The following WDR49 variants were observed in gnomAD, a reference collection of about 807,000 sequenced individuals.
The protein encoded by WDR49 is cilia- and flagella-associated protein 337.
In WDR49, 107 loss-of-function variants were observed where a neutral mutation model predicts 119.5. That is an observed-to-expected ratio of 0.90 (90% CI 0.77 to 1.05). The LOEUF (loss-of-function observed/expected upper bound fraction) is 1.05, where lower values mean the gene tolerates loss of function less well. Among genes scored for constraint, WDR49 ranks in the 50% least tolerant of loss-of-function variants. The pLI, the probability that WDR49 is intolerant of heterozygous loss-of-function variation, is 0.00. For missense variants in WDR49, 1,240 were observed against 1,220.5 expected, an observed-to-expected ratio of 1.02 and a Z score of -0.24; for synonymous variants, 425 against 418.8, an observed-to-expected ratio of 1.01 and a Z score of -0.18.
At chr3:167,640,802 G>A (rs1717845897) in intron 2 of WDR49, among the ~76,000 whole-genome samples, 1 of 151,650 alleles carries the variant, frequency 6.6e-6, no homozygotes, top group African/African-American at 2.4e-5. Context: ...TGGTTGAAAT[G>A]GGAGGTGGAA....
In WDR49 at chr3:167,557,677, T is replaced by C. The variant is rs961208927; in HGVS notation, c.1674+2387A>G. ...CTGAGGCAGGAGAATGGTGTGAACCTGGGAGGCAGAGCTTGCAGTGAGCTG... is the reference window on the plus strand; with the variant it reads ...CTGAGGCAGGAGAATGGTGTGAACCCGGGAGGCAGAGCTTGCAGTGAGCTG... On this transcript the variant is annotated intron_variant, in intron 9 of 18. Transcript: ENST00000682715. Among the ~76,000 whole-genome samples, 4 of 147,412 alleles carry C rather than the reference T, an allele frequency of 2.7e-5. No homozygotes were observed. The South Asian group carries it at 8.6e-4, about 32-fold the overall frequency.
intron 2 of WDR49, among the ~76,000 whole-genome samples, chr3:167,649,209 GT>G: frequency 6.6e-6 from 1 of 152,010 alleles, no homozygotes; most frequent in South Asian, 2.1e-4. Context: ...GTTCATTTGG[GT>G]ACCTTAGTAG....
At chr3:167,593,462 G>A (rs530346345) in intron 7 of WDR49, among the ~76,000 whole-genome samples, 1 of 151,652 alleles carries the variant, frequency 6.6e-6, no homozygotes, top group South Asian at 2.1e-4. Flanking sequence ...TTTTAACAAT[G>A]TTAATGTCTT....
At chr3:167,494,635 G>C (rs1325166203) in intron 18 of WDR49, among the ~76,000 whole-genome samples, 1 of 152,118 alleles carries the variant, frequency 6.6e-6, no homozygotes, top group East Asian at 1.9e-4. Context: ...ATTATGTTTT[G>C]GCATTGCTAA....
At position 167,575,998 on chromosome 3, in the gene WDR49, T is replaced by C. The variant is rs1346449352; in HGVS notation, c.1429A>G (p.Met477Val). 1 of 1,614,152 alleles carries C rather than the reference T, an allele frequency of 6.2e-7. No homozygotes were observed. Among genetic ancestry groups the C allele is most frequent in the Admixed American group, 1.7e-5 (1 of 60,026 alleles). Residue 477 changes from methionine to valine, a missense_variant, in exon 8 of 19, where the codon ATG (methionine) becomes GTG (valine). By Grantham distance (21) the Met-to-Val change is conservative. Coordinates refer to ENST00000682715, the MANE Select transcript of WDR49 (RefSeq NM_001366157.1). ...SFNNQLALLA[M>V]KSEASKRVKS... The stretch of plus-strand genomic sequence containing the variant: ...ACCCTCTTGCTGGCTTCACTTTTCA[T>C]TGCCAACAATGCTAGCTGGTTATTA...
intron 2 of WDR49, among the ~76,000 whole-genome samples, chr3:167,629,883 A>G (rs1717291884): frequency 1.3e-5 from 2 of 152,104 alleles, no homozygotes; most frequent in Non-Finnish European, 2.9e-5. Flanking sequence ...TCATGATCAA[A>G]CTTAAATGGA....
intron 16 of WDR49, among the ~76,000 whole-genome samples, chr3:167,506,763 TCAA>T (rs1246802959): frequency 6.6e-6 from 1 of 152,220 alleles, no homozygotes; most frequent in African/African-American, 2.4e-5. Flanking sequence ...TTCTGTAACG[TCAA>T]CATTATATTT....
chr3:167,515,350 C>T (rs541022750), intron 16 of WDR49, among the ~76,000 whole-genome samples: 58 of 152,244 alleles, frequency 3.8e-4, no homozygotes, highest in African/African-American at 1.3e-3. Context: ...AATCAATAAA[C>T]GTAATTCATC....
chr3:167,503,497 T>A (rs1478974962), intron 17 of WDR49, among the ~76,000 whole-genome samples: 3 of 152,126 alleles, frequency 2.0e-5, no homozygotes, highest in Non-Finnish European at 4.4e-5. Flanking sequence ...GTGTTATAGC[T>A]CTATTAGAAG....
In WDR49 at chr3:167,613,305, A is replaced by G. The variant is rs189358058; in HGVS notation, c.958+7124T>C. The stretch of plus-strand genomic sequence containing the variant: ...AAATAATAATGCAATTAATTCAATT[A>G]CTTTTCAAAATGCCAGGTAGGCACA... On this transcript the variant is annotated intron_variant, in intron 5 of 18. Transcript: ENST00000682715. Among the ~76,000 whole-genome samples the G allele has an allele frequency of 1.3e-3, 195 of 152,352 alleles. 1 individual carries two copies. The highest frequency in any genetic ancestry group is 5.1e-4 in the Non-Finnish European group (35 of 68,024).
At chr3:167,641,936 T>A (rs1358733634) in intron 2 of WDR49, among the ~76,000 whole-genome samples, 1 of 149,906 alleles carries the variant, frequency 6.7e-6, no homozygotes, top group Non-Finnish European at 1.5e-5. Flanking sequence ...GAAAAAAAGG[T>A]AAAAAAAATA....
At chr3:167,597,878 A>T (rs974650113) in intron 7 of WDR49, among the ~76,000 whole-genome samples, 1 of 152,210 alleles carries the variant, frequency 6.6e-6, no homozygotes, top group Non-Finnish European at 1.5e-5. Context: ...AAATTGCTTT[A>T]GCATTTGCAG....
intron 16 of WDR49, among the ~76,000 whole-genome samples, chr3:167,508,899 A>T (rs1751869356): frequency 6.6e-6 from 1 of 152,206 alleles, no homozygotes; most frequent in Non-Finnish European, 1.5e-5. Flanking sequence ...CTATTTTCTA[A>T]TTTAATTTCT....
chr3:167,628,569 G>C (rs756237908), intron 2 of WDR49, among the ~76,000 whole-genome samples: 17 of 152,050 alleles, frequency 1.1e-4, no homozygotes, highest in South Asian at 4.2e-4. Context: ...TTTTTTGAAG[G>C]CAGAGAGAGG....
rs368770243 is a variant in WDR49 at position 167,609,761 on chromosome 3, A to G, written c.959-5293T>C. On this transcript the variant is annotated intron_variant, in intron 5 of 18. Transcript: ENST00000682715. ...ACCCTCCTCTAACCCCAGACTGCACAGCTCACGGCTCCAAAAGAGGTGCCT... is the reference window on the plus strand; with the variant it reads ...ACCCTCCTCTAACCCCAGACTGCACGGCTCACGGCTCCAAAAGAGGTGCCT... 2.0e-4 allele frequency among the ~76,000 whole-genome samples: 30 copies of G among 152,312 alleles called. 1 individual carries two copies. Among genetic ancestry groups the G allele is most frequent in the Admixed American group, 5.2e-4 (8 of 15,308 alleles).
chr3:167,604,437 A>C lies in WDR49; in HGVS notation c.990T>G (p.Ile330Met). The change falls in exon 6 of 19, where the codon ATT (isoleucine) becomes ATG (methionine). Residue 330 changes from isoleucine to methionine, a missense_variant. Physicochemically the swap from Ile to Met is conservative, Grantham distance 10. Transcript: ENST00000682715. ...TATTTGTATTGCTGGTTGTACTGGAAATGATAGCGTCTAAAGATGCATTGT... is the reference window on the plus strand; with the variant it reads ...TATTTGTATTGCTGGTTGTACTGGACATGATAGCGTCTAAAGATGCATTGT... ...VTYNASLDAI[I>M]SSTTSNTNSV... 3 of 1,612,988 alleles carry C rather than the reference A, an allele frequency of 1.9e-6. No homozygotes were observed. The highest frequency in any genetic ancestry group is 2.5e-6 in the Non-Finnish European group (3 of 1,179,664).
intron 10 of WDR49, among the ~76,000 whole-genome samples, chr3:167,550,778 T>A (rs1248249683): frequency 2.1e-5 from 3 of 144,014 alleles, no homozygotes; most frequent in African/African-American, 5.1e-5. Flanking sequence ...TTTTTTTTTT[T>A]GAGAGAGAGA....
chr3:167,512,832 T>C (rs1459160207), intron 16 of WDR49, among the ~76,000 whole-genome samples: 1 of 152,166 alleles, frequency 6.6e-6, no homozygotes, highest in Non-Finnish European at 1.5e-5. Flanking sequence ...AATAGCTGAA[T>C]AGTCCACACG....
chr3:167,570,895 G>T (rs1274907129), intron 8 of WDR49, among the ~76,000 whole-genome samples: 1 of 152,016 alleles, frequency 6.6e-6, no homozygotes, highest in Non-Finnish European at 1.5e-5. Context: ...AAGTAGCCGG[G>T]CATGGTGGCG....
Sources: gnomAD v4.1 joint callset for allele counts (sites outside exome capture counted in the v4.1 genomes callset) on GRCh38, gnomAD v4.1.1 for gene constraint, MANE v1.5 for transcripts, NCBI Gene and HGNC (gene_info 2026-07-23, HGNC 2026-07-21) for gene names.